The following ADAM17 variants were observed in gnomAD, a reference collection of about 807,000 sequenced individuals.
ADAM17 encodes the protein disintegrin and metalloproteinase domain-containing protein 17.
A neutral mutation model predicts 96.7 loss-of-function variants in ADAM17; 39 were observed. The observed-to-expected ratio is 0.40, with a 90% confidence interval of 0.31 to 0.53. The LOEUF (loss-of-function observed/expected upper bound fraction) is 0.53, where lower values mean the gene tolerates loss of function less well. ADAM17 is among the 20% of genes least tolerant of loss of function. The probability of loss-of-function intolerance (pLI) is 0.44; values close to 1 mark genes in which losing one functional copy is unlikely to be tolerated. For missense variants in ADAM17, 777 were observed against 1,013.2 expected (o/e 0.77, Z 3.17); for synonymous variants, 344 against 359.2 (o/e 0.96, Z 0.48).
At chr2:9,498,785 T>C (rs1203671197) in intron 13 of ADAM17, among the ~76,000 whole-genome samples, 3 of 152,250 alleles carry the variant, frequency 2.0e-5, no homozygotes, top group Non-Finnish European at 4.4e-5. Flanking sequence ...ATTGTATTTT[T>C]GGTATATGAT....
chr2:9,497,053 G>C, intron 14 of ADAM17, 61 bp downstream of exon 14: 1 of 1,583,834 alleles, frequency 6.3e-7, no homozygotes, highest in Non-Finnish European at 8.6e-7. Context: ...TGGAGGAAGG[G>C]AGCCTGGCAG....
intron 15 of ADAM17, 127 bp downstream of exon 15, chr2:9,494,510 T>C (rs1048874160): frequency 1.8e-6 from 2 of 1,100,018 alleles, no homozygotes; most frequent in East Asian, 2.6e-5. Context: ...TACCCGTAGA[T>C]AACAATGGGC....
At chr2:9,509,592 T>C (rs1663616396) in intron 11 of ADAM17, among the ~76,000 whole-genome samples, 1 of 152,188 alleles carries the variant, frequency 6.6e-6, no homozygotes, top group Non-Finnish European at 1.5e-5. Context: ...CAAAAGTTAA[T>C]AAAAACGTGT....
intron 4 of ADAM17, among the ~76,000 whole-genome samples, chr2:9,533,287 G>A (rs1167007598): frequency 2.0e-5 from 3 of 152,070 alleles, no homozygotes; most frequent in Non-Finnish European, 4.4e-5. Flanking sequence ...AGTGGCTCAC[G>A]CCTTTAATCT....
Position 9,489,522 on chromosome 2 carries a change from A to G in ADAM17, c.*655T>C, listed in dbSNP as rs576015374. 6.6e-6 allele frequency: 1 copy of G among 152,532 alleles called. No homozygotes were observed. Among genetic ancestry groups the G allele is most frequent in the Admixed American group, 6.5e-5 (1 of 15,286 alleles). 9.4% of individuals were successfully genotyped at this position (152,532 alleles called of 1,614,324 possible). A position where few individuals can be genotyped will look rare whatever the true frequency, so the allele number is the denominator to read the frequency against. ...CCATAAATTCAACTGGCTACCATGTATAGCCCTCACTGTAAGGTAGGTGGT... is the reference window on the plus strand; with the variant it reads ...CCATAAATTCAACTGGCTACCATGTGTAGCCCTCACTGTAAGGTAGGTGGT... On this transcript the variant is annotated 3_prime_UTR_variant, in exon 19 of 19. Coordinates refer to ENST00000310823, the MANE Select transcript of ADAM17 (RefSeq NM_003183.6).
At chr2:9,508,325 C>T (rs1457743844) in intron 11 of ADAM17, among the ~76,000 whole-genome samples, 1 of 152,166 alleles carries the variant, frequency 6.6e-6, no homozygotes, top group Non-Finnish European at 1.5e-5. Flanking sequence ...TCACCAGCTT[C>T]AACAATAATC....
At chr2:9,543,518 T>G (rs1202056061) in intron 1 of ADAM17, among the ~76,000 whole-genome samples, 2 of 152,192 alleles carry the variant, frequency 1.3e-5, no homozygotes, top group African/African-American at 2.4e-5. Context: ...CTAAAAATAT[T>G]TGCACTGATG....
chr2:9,521,368 G>A (rs1558513652), intron 7 of ADAM17, 52 bp from the exon 8 acceptor site: 2 of 1,275,234 alleles, frequency 1.6e-6, no homozygotes, highest in South Asian at 1.3e-5. Flanking sequence ...AAGTCAGAAG[G>A]CTCTGAATAC....
At position 9,517,881 on chromosome 2, in the gene ADAM17, T is replaced by C. The variant is rs537520574; in HGVS notation, c.1191+20A>G. 6.6e-6 allele frequency: 10 copies of C among 1,513,070 alleles called. No individual in the cohort carries two copies. Among genetic ancestry groups the C allele is most frequent in the African/African-American group, 1.4e-5 (1 of 71,402 alleles). 93.7% of individuals were successfully genotyped at this position (1,513,070 alleles called of 1,614,324 possible). On this transcript the variant is annotated intron_variant, in intron 10 of 18. Transcript: ENST00000310823. ...TACAATAAACTCTAACACTATTCTT[T>C]TAGAAATAAAAGAACATACCTTTGT...
intron 12 of ADAM17, among the ~76,000 whole-genome samples, chr2:9,504,607 C>CA (rs1663258952): frequency 6.6e-6 from 1 of 151,152 alleles, no homozygotes; most frequent in Non-Finnish European, 1.5e-5. Flanking sequence ...TCTACTAATA[C>CA]AAAAAATTAG....
In ADAM17 at chr2:9,522,124, C is replaced by T. The variant is rs572340976; in HGVS notation, c.844-808G>A. 31 of 297,626 alleles carry T rather than the reference C, an allele frequency of 1.0e-4. No homozygotes were observed. The South Asian group carries it at 4.5e-3, about 44-fold the overall frequency. The allele number at this position is 297,626 out of a possible 1,614,324, so 18.4% of individuals were successfully genotyped here. On this transcript the variant is annotated intron_variant, in intron 7 of 18. Coordinates refer to ENST00000310823, the MANE Select transcript of ADAM17 (RefSeq NM_003183.6). ...AAAGCAAAAAGAAAATTTACAGGTTCCCTGAAACTCAAACATGATGCAGCT... is the reference window on the plus strand; with the variant it reads ...AAAGCAAAAAGAAAATTTACAGGTTTCCTGAAACTCAAACATGATGCAGCT...
intron 1 of ADAM17, among the ~76,000 whole-genome samples, chr2:9,553,511 T>C (rs1310298064): frequency 6.6e-6 from 1 of 151,396 alleles, no homozygotes; most frequent in Non-Finnish European, 1.5e-5. Flanking sequence ...CCATCTCTAC[T>C]AAAAATACAA....
At chr2:9,504,430 C>T (rs911119609) in intron 12 of ADAM17, among the ~76,000 whole-genome samples, 3 of 151,068 alleles carry the variant, frequency 2.0e-5, no homozygotes, top group African/African-American at 7.3e-5. Flanking sequence ...GGCAACAGAG[C>T]GAGACGCCGT....
At chr2:9,542,943 A>C (rs1230792347) in intron 2 of ADAM17, among the ~76,000 whole-genome samples, 1 of 152,104 alleles carries the variant, frequency 6.6e-6, no homozygotes, top group African/African-American at 2.4e-5. Context: ...AGCAATCCAC[A>C]TGTCTTGGCC....
intron 1 of ADAM17, among the ~76,000 whole-genome samples, chr2:9,553,940 T>G (rs1665662531): frequency 6.6e-6 from 1 of 151,720 alleles, no homozygotes; most frequent in African/African-American, 2.4e-5. Flanking sequence ...CACATGCCTG[T>G]AATCCCAGCT....
At chr2:9,543,384 A>T in intron 1 of ADAM17, 99 bp from the exon 2 acceptor site, 4 of 1,091,638 alleles carry the variant, frequency 3.7e-6, no homozygotes, top group South Asian at 2.5e-5. Context: ...TCCTGATGTA[A>T]TCCATTAGGA....
At chr2:9,503,997 A>T (rs1016631394) in intron 12 of ADAM17, among the ~76,000 whole-genome samples, 8 of 152,022 alleles carry the variant, frequency 5.3e-5, no homozygotes, top group Non-Finnish European at 1.2e-4. Flanking sequence ...TATAAAAAAT[A>T]CAAAAAAAAT....
rs555734801 is a variant in ADAM17, at chr2:9,494,902, A to G, written c.1784-135T>C. On this transcript the variant is annotated intron_variant, in intron 14 of 18. Coordinates refer to ENST00000310823, the MANE Select transcript of ADAM17 (RefSeq NM_003183.6). Reference sequence around the variant, plus strand: ...ATTTTTTATTTAAATAGCTAATACTATCCATAGCCCCCACCAAGGAGTAGT... The same window carrying G: ...ATTTTTTATTTAAATAGCTAATACTGTCCATAGCCCCCACCAAGGAGTAGT... 244 of 1,063,824 alleles carry G rather than the reference A, an allele frequency of 2.3e-4. No individual in the cohort carries two copies. The African/African-American group carries it at 3.3e-3, about 15-fold the overall frequency. 65.9% of individuals were successfully genotyped at this position (1,063,824 alleles called of 1,614,324 possible). A position where few individuals can be genotyped will look rare whatever the true frequency, so the allele number is the denominator to read the frequency against.
At chr2:9,496,471 C>T (rs1162545513) in intron 14 of ADAM17, 1 of 152,270 alleles carries the variant, frequency 6.6e-6, no homozygotes, top group East Asian at 1.9e-4. Flanking sequence ...TCATCGACTC[C>T]CATGGTTTAA....
Sources: gnomAD v4.1 joint callset for allele counts (sites outside exome capture counted in the v4.1 genomes callset) on GRCh38, gnomAD v4.1.1 for gene constraint, MANE v1.5 for transcripts, NCBI Gene and HGNC (gene_info 2026-07-23, HGNC 2026-07-21) for gene names.